Variants in AKAP3 observed in about 807,000 individuals in gnomAD.
The protein encoded by AKAP3 is A-kinase anchor protein 3.
AKAP3 carries 27 observed loss-of-function variants against 57.2 expected under a neutral mutation model. The ratio of observed to expected loss-of-function variants is 0.47; its 90% CI spans 0.35 to 0.65. The LOEUF (loss-of-function observed/expected upper bound fraction) is 0.65, where lower values mean the gene tolerates loss of function less well. Ranked by LOEUF, AKAP3 falls within the 30% of genes least tolerant of loss-of-function variation. AKAP3 has a pLI of 0.01. For missense variants in AKAP3, 959 were observed against 1,040.0 expected (o/e 0.92, Z 1.07); for synonymous variants, 334 against 392.3 (o/e 0.85, Z 1.76).
In AKAP3 at chr12:4,648,749, G is replaced by T; in HGVS notation, c.-249C>A. On this transcript the variant is annotated 5_prime_UTR_variant, in exon 1 of 6. Coordinates refer to ENST00000228850, the MANE Select transcript of AKAP3 (RefSeq NM_001278309.2). Reference sequence around the variant, plus strand: ...TCCTTCTTCCTCCGGACTCACCAGGGCTGCCAGCTTAGCTTACATTTTCAG... The same window carrying T: ...TCCTTCTTCCTCCGGACTCACCAGGTCTGCCAGCTTAGCTTACATTTTCAG... 1 of 208,626 alleles carries T rather than the reference G, an allele frequency of 4.8e-6. No homozygotes were observed. The highest frequency in any genetic ancestry group is 9.6e-6 in the Non-Finnish European group (1 of 103,942). 12.9% of individuals were successfully genotyped at this position (208,626 alleles called of 1,614,324 possible).
chr12:4,633,970 C>CTTTTTTT (rs59050368), intron 4 of AKAP3, among the ~76,000 whole-genome samples: 1 of 138,052 alleles, frequency 7.2e-6, no homozygotes, highest in Admixed American at 7.2e-5. Context: ...TATCTATATT[C>CTTTTTTT]TTTTTTTTTT....
intron 4 of AKAP3, chr12:4,636,121 G>T: frequency 1.0e-6 from 1 of 994,484 alleles, no homozygotes; most frequent in Admixed American, 1.8e-5. Context: ...TTTATTTCCA[G>T]TATTTGAGCC....
intron 4 of AKAP3, among the ~76,000 whole-genome samples, chr12:4,630,436 A>G (rs568400361): frequency 6.6e-6 from 1 of 152,080 alleles, no homozygotes; most frequent in Admixed American, 6.5e-5. Flanking sequence ...CCACGTCTAC[A>G]ATATCCTGCT....
chr12:4,618,996 A>G (rs952930075), intron 5 of AKAP3, among the ~76,000 whole-genome samples: 1 of 152,220 alleles, frequency 6.6e-6, no homozygotes, highest in Non-Finnish European at 1.5e-5. Flanking sequence ...CAACCAAATT[A>G]TGGGTGAAAG....
At position 4,617,418 on chromosome 12, in the gene AKAP3, T is replaced by C. The variant is rs570631331; in HGVS notation, c.2407-1524A>G. Among the ~76,000 whole-genome samples the C allele has an allele frequency of 2.2e-4, 33 of 152,288 alleles. 1 individual carries two copies. The South Asian group carries it at 3.5e-3, about 16-fold the overall frequency. On this transcript the variant is annotated intron_variant, in intron 5 of 5. Coordinates refer to ENST00000228850, the MANE Select transcript of AKAP3 (RefSeq NM_001278309.2). ...TGAAGAGCAACACAAACAGTAAAAC[T>C]CTCAGTATAAATAGTAGGCTATCCT...
rs1441262288 is a variant in AKAP3 at position 4,625,964 on chromosome 12, TCTTA to T, written c.2406+528_2406+531del. Among the ~76,000 whole-genome samples the T allele has an allele frequency of 6.6e-6, 1 of 152,126 alleles. No individual in the cohort carries two copies. Among genetic ancestry groups the T allele is most frequent in the East Asian group, 1.9e-4 (1 of 5,186 alleles). ...ATTTCCCATCTACCTTATGCTTTAG[TCTTA>T]CTTGTCAACTGATTCAGAGCTTAGG... On this transcript the variant is annotated intron_variant, in intron 5 of 5. Coordinates refer to ENST00000228850, the MANE Select transcript of AKAP3 (RefSeq NM_001278309.2). The surrounding 1 kb of genome is among the most constrained non-coding windows in gnomAD (Gnocchi z 5.4).
At chr12:4,640,611 G>C (rs904485727) in intron 3 of AKAP3, among the ~76,000 whole-genome samples, 26 of 152,236 alleles carry the variant, frequency 1.7e-4, no homozygotes, top group African/African-American at 6.3e-4. Flanking sequence ...TCATTACAAA[G>C]AAAATACAAG....
intron 2 of AKAP3, among the ~76,000 whole-genome samples, chr12:4,642,293 A>C (rs1297228983): frequency 2.0e-5 from 3 of 152,184 alleles, no homozygotes; most frequent in African/African-American, 2.4e-5. Context: ...AGACCCTAAA[A>C]ATTTTTAGCT....
chr12:4,622,335 G>A (rs1945356922), intron 5 of AKAP3, among the ~76,000 whole-genome samples: 1 of 152,116 alleles, frequency 6.6e-6, no homozygotes, highest in African/African-American at 2.4e-5. Context: ...GCACTCCTAG[G>A]TGAAAAGAAC....
chr12:4,630,844 C>G (rs1477684963), intron 4 of AKAP3, among the ~76,000 whole-genome samples: 6 of 152,142 alleles, frequency 3.9e-5, no homozygotes, highest in Non-Finnish European at 4.4e-5. Flanking sequence ...TCAATATTTC[C>G]AAGCTATATG....
chr12:4,627,951 T>C lies in AKAP3; in HGVS notation c.951A>G (p.Leu317=). 1 of 1,614,136 alleles carries C rather than the reference T, an allele frequency of 6.2e-7. No homozygotes were observed. The highest frequency in any genetic ancestry group is 8.5e-7 in the Non-Finnish European group (1 of 1,180,012). The part of the protein sequence containing the change: ...QVKDTTIATI[L]LKKVLLKHAK... ...CATGCTTGAGCAGAACCTTCTTCAGTAGGATGGTGGCAATGGTTGTGTCTT... is the reference window on the plus strand; with the variant it reads ...CATGCTTGAGCAGAACCTTCTTCAGCAGGATGGTGGCAATGGTTGTGTCTT... The change falls in exon 5 of 6, where the codon CTA becomes CTG. Residue 317 remains leucine, a synonymous_variant. Transcript: ENST00000228850.
Position 4,627,479 on chromosome 12 carries a change from G to A in AKAP3, c.1423C>T (p.Gln475Ter). The A allele has an allele frequency of 6.2e-7, 1 of 1,614,110 alleles. No individual in the cohort carries two copies. Among genetic ancestry groups the A allele is most frequent in the South Asian group, 1.1e-5 (1 of 91,074 alleles). The change falls in exon 5 of 6, where the codon CAG becomes TAG. Residue 475 changes from glutamine (Q) to a stop codon, truncating the protein, a stop_gained. Coordinates refer to ENST00000228850, the MANE Select transcript of AKAP3 (RefSeq NM_001278309.2). LOFTEE classifies it high-confidence loss of function. Reference sequence around the variant, plus strand: ...TTGGGAGCTTCAAATGCTGCATGCTGGAAACCTAGAGATTTACATTCTTTC... The same window carrying A: ...TTGGGAGCTTCAAATGCTGCATGCTAGAAACCTAGAGATTTACATTCTTTC... Reference protein sequence around the residue: ...QQKECKSLGFQHAAFEAPNTQ... With the variant: ...QQKECKSLGF
In AKAP3 at chr12:4,628,787, C is replaced by T; in HGVS notation, c.115G>A (p.Val39Ile). The change falls in exon 5 of 6, where the codon GTC (valine) becomes ATC (isoleucine). Residue 39 changes from valine (V) to isoleucine (I), a missense_variant. Physicochemically the swap from Val to Ile is conservative, Grantham distance 29. Coordinates refer to ENST00000228850, the MANE Select transcript of AKAP3 (RefSeq NM_001278309.2). ...CTGCGGAGCCAGCTGAGCACTCTGA[C>T]AGGATCCGTGGAGGTGTCCTTAAAA... is the stretch of plus-strand genomic sequence containing the variant. ...DWKMDTSTDPVRVLSWLRRDL... is the reference protein window; with the variant it reads ...DWKMDTSTDPIRVLSWLRRDL... 2.5e-6 allele frequency: 4 copies of T among 1,607,326 alleles called. No homozygotes were observed. The highest frequency in any genetic ancestry group is 3.4e-6 in the Non-Finnish European group (4 of 1,174,440).
Position 4,620,274 on chromosome 12 carries a change from G to A in AKAP3, c.2407-4380C>T, listed in dbSNP as rs372165255. 2.2e-4 allele frequency among the ~76,000 whole-genome samples: 34 copies of A among 151,944 alleles called. No individual in the cohort carries two copies. In the East Asian group the frequency reaches 6.0e-3, roughly 27 times the overall value. ...TGGGAGGCCGAGGCAGGTGAATCAT[G>A]AGGTCAGGAGTTCAAGACCAGCCTG... is the stretch of plus-strand genomic sequence containing the variant. On this transcript the variant is annotated intron_variant, in intron 5 of 5. Coordinates refer to ENST00000228850, the MANE Select transcript of AKAP3 (RefSeq NM_001278309.2).
intron 4 of AKAP3, among the ~76,000 whole-genome samples, chr12:4,630,821 T>A (rs1945488540): frequency 6.6e-6 from 1 of 152,234 alleles, no homozygotes; most frequent in African/African-American, 2.4e-5. Context: ...TTGCCTCCAA[T>A]GGCACGTTCA....
chr12:4,620,062 TAA>T (rs1335480783), intron 5 of AKAP3, among the ~76,000 whole-genome samples: 1 of 152,038 alleles, frequency 6.6e-6, no homozygotes, highest in African/African-American at 2.4e-5. Flanking sequence ...GGCAGAGAAA[TAA>T]AGAGTCTCCA....
At chr12:4,647,914 C>T (rs1945718525) in intron 1 of AKAP3, 1 of 152,200 alleles carries the variant, frequency 6.6e-6, no homozygotes, top group Non-Finnish European at 1.5e-5. Context: ...GCAACTTCTA[C>T]ATCCCTACTC....
At chr12:4,645,611 A>G (rs553254419) in intron 1 of AKAP3, 1 of 152,268 alleles carries the variant, frequency 6.6e-6, no homozygotes, top group Middle Eastern at 3.4e-3. Context: ...CTAGATTCTC[A>G]TAAGGAGTGC....
intron 1 of AKAP3, among the ~76,000 whole-genome samples, chr12:4,646,514 T>C (rs1455947969): frequency 6.6e-6 from 1 of 151,832 alleles, no homozygotes; most frequent in Non-Finnish European, 1.5e-5. Context: ...CTACTAAAAA[T>C]ACAAAAAATT....
Sources: allele counts gnomAD v4.1 joint callset (sites outside exome capture counted in the v4.1 genomes callset), GRCh38; gene constraint gnomAD v4.1.1; non-coding constraint Gnocchi (gnomAD v3.1); transcripts MANE v1.5; gene names NCBI Gene and HGNC (gene_info 2026-07-23, HGNC 2026-07-21).